The following KANSL1L variants were observed in gnomAD, a reference collection of about 807,000 sequenced individuals.
The protein encoded by KANSL1L is KAT8 regulatory NSL complex subunit 1 like.
In KANSL1L, 25 loss-of-function variants were observed where a neutral mutation model predicts 108.6. The observed-to-expected ratio is 0.23, with a 90% CI of 0.17 to 0.32. The LOEUF (loss-of-function observed/expected upper bound fraction) is 0.32, where lower values mean the gene tolerates loss of function less well. Ranked by LOEUF, KANSL1L falls within the 10% of genes least tolerant of loss-of-function variation. The pLI, the probability that KANSL1L is intolerant of heterozygous loss-of-function variation, is 1.00. For synonymous variants in KANSL1L, 405 were observed against 395.1 expected (o/e 1.03, Z -0.30); for missense variants, 1,137 against 1,125.7 (o/e 1.01, Z -0.14).
At chr2:210,134,339 G>A (rs988076754) in intron 2 of KANSL1L, among the ~76,000 whole-genome samples, 2 of 152,014 alleles carry the variant, frequency 1.3e-5, no homozygotes, top group East Asian at 3.9e-4. Context: ...CTACTTTCAT[G>A]ATCATTATCA....
chr2:210,025,213 C>G lies in KANSL1L; in HGVS notation c.2455G>C (p.Glu819Gln), dbSNP rs2093919326. The G allele has an allele frequency of 1.3e-6, 2 of 1,524,308 alleles. No homozygotes were observed. Among genetic ancestry groups the G allele is most frequent in the Non-Finnish European group, 1.8e-6 (2 of 1,098,216 alleles). 94.4% of individuals were successfully genotyped at this position (1,524,308 alleles called of 1,614,324 possible). The change falls in exon 13 of 15, where the codon GAA becomes CAA. Residue 819 changes from glutamate (E) to glutamine (Q), a missense_variant. By Grantham distance (29) the Glu-to-Gln change is conservative. Around this residue, in one of 3 missense-constraint regions of KANSL1L, gnomAD observed 575 missense variants for 567.1 expected, o/e 1.01. Coordinates refer to ENST00000281772, the MANE Select transcript of KANSL1L (RefSeq NM_152519.4). ...DEYNLGKEEI[E>Q]DLSDEVFSLR... Reference sequence around the variant, plus strand: ...GAGAAGACTTCATCAGAAAGATCTTCTATCTGGAATTAGAAATAAAGATTT... The same window carrying G: ...GAGAAGACTTCATCAGAAAGATCTTGTATCTGGAATTAGAAATAAAGATTT...
At chr2:210,126,265 A>C (rs1193673582) in intron 3 of KANSL1L, among the ~76,000 whole-genome samples, 3 of 152,234 alleles carry the variant, frequency 2.0e-5, no homozygotes, top group Non-Finnish European at 4.4e-5. Context: ...ATAACCAAGG[A>C]GTTGATAGAC....
chr2:210,029,287 AT>A, intron 10 of KANSL1L: 1 of 219,594 alleles, frequency 4.6e-6, no homozygotes, highest in South Asian at 9.6e-5. Context: ...ATCACCCTAA[AT>A]GTCAATGAAA....
At chr2:210,056,116 C>T (rs1257670159) in intron 6 of KANSL1L, among the ~76,000 whole-genome samples, 1 of 152,200 alleles carries the variant, frequency 6.6e-6, no homozygotes, top group African/African-American at 2.4e-5. Flanking sequence ...CCAGCCATGG[C>T]TAAAAGGGGC....
chr2:210,085,176 A>T (rs894663714), intron 5 of KANSL1L, among the ~76,000 whole-genome samples: 1 of 152,190 alleles, frequency 6.6e-6, no homozygotes, highest in Non-Finnish European at 1.5e-5. Context: ...AATATAAAGA[A>T]CTATTTATAG....
chr2:210,106,834 C>T (rs2094851910), intron 3 of KANSL1L, among the ~76,000 whole-genome samples: 1 of 151,814 alleles, frequency 6.6e-6, no homozygotes. Flanking sequence ...GTTTTTTCCT[C>T]CATAAACTAC....
chr2:210,119,692 C>T (rs1417385552), intron 3 of KANSL1L, among the ~76,000 whole-genome samples: 1 of 152,026 alleles, frequency 6.6e-6, no homozygotes, highest in African/African-American at 2.4e-5. Flanking sequence ...TACCTCAACA[C>T]AATAAAAGCC....
At chr2:210,070,728 A>G (rs564828868) in intron 6 of KANSL1L, among the ~76,000 whole-genome samples, 72 of 152,374 alleles carry the variant, frequency 4.7e-4, no homozygotes, top group African/African-American at 1.7e-3. Flanking sequence ...GCTGGAAGTC[A>G]AATCAAGATG....
chr2:210,140,235 C>T (rs1454959849), intron 2 of KANSL1L, among the ~76,000 whole-genome samples: 1 of 152,138 alleles, frequency 6.6e-6, no homozygotes, highest in Non-Finnish European at 1.5e-5. Context: ...CTTTGGAGTG[C>T]ATATCCAAAA....
chr2:210,064,516 A>G (rs979884640), intron 6 of KANSL1L, among the ~76,000 whole-genome samples: 1 of 152,074 alleles, frequency 6.6e-6, no homozygotes, highest in African/African-American at 2.4e-5. Context: ...TTACTGCTCT[A>G]GTAGAAAAAT....
chr2:210,163,520 T>G (rs555684429), intron 1 of KANSL1L, among the ~76,000 whole-genome samples: 1 of 152,032 alleles, frequency 6.6e-6, no homozygotes, highest in Admixed American at 6.6e-5. Context: ...AACCAAGAAC[T>G]GTGGGACAAT....
At chr2:210,039,950 A>G (rs1450899799) in intron 8 of KANSL1L, among the ~76,000 whole-genome samples, 1 of 151,774 alleles carries the variant, frequency 6.6e-6, no homozygotes, top group Non-Finnish European at 1.5e-5. Context: ...ATTATTATAG[A>G]TTTTTGTCAT....
At position 210,095,382 on chromosome 2, in the gene KANSL1L, GC is replaced by G. The variant is rs375400091; in HGVS notation, c.1550+2703del. On this transcript the variant is annotated intron_variant, in intron 5 of 14. Transcript: ENST00000281772. ...TCACTCTTACCTCTTTCTCCATCAT[GC>G]TCTTGTCAAAGTCTCTCTTGCCAAA... Among the ~76,000 whole-genome samples, 926 of 151,962 alleles carry G rather than the reference GC, an allele frequency of 6.1e-3. 15 individuals carry two copies. Among genetic ancestry groups the G allele is most frequent in the African/African-American group, 0.022 (898 of 41,468 alleles).
chr2:210,083,801 C>T (rs1439989562), intron 5 of KANSL1L, among the ~76,000 whole-genome samples: 1 of 145,286 alleles, frequency 6.9e-6, no homozygotes, highest in South Asian at 2.2e-4. Flanking sequence ...TGCACTCCAG[C>T]CCTGGGCGAC....
chr2:210,075,930 T>C (rs776229329), intron 5 of KANSL1L, among the ~76,000 whole-genome samples, 174 bp from the exon 6 acceptor site: 44 of 152,340 alleles, frequency 2.9e-4, no homozygotes, highest in Admixed American at 1.8e-3. Flanking sequence ...AACGGGAAAT[T>C]ACATATTCAA....
intron 6 of KANSL1L, among the ~76,000 whole-genome samples, chr2:210,059,870 T>G (rs768897867): frequency 2.6e-4 from 40 of 152,072 alleles, no homozygotes; most frequent in Admixed American, 1.8e-3. Context: ...GCCTCCCAAA[T>G]AGCTGGGATT....
intron 2 of KANSL1L, among the ~76,000 whole-genome samples, chr2:210,132,202 C>CA (rs2095127854): frequency 6.6e-6 from 1 of 152,096 alleles, no homozygotes; most frequent in Non-Finnish European, 1.5e-5. Flanking sequence ...TGTTATACCC[C>CA]AAAGTCAAAC....
At chr2:210,124,878 T>C (rs2095052410) in intron 3 of KANSL1L, among the ~76,000 whole-genome samples, 2 of 152,246 alleles carry the variant, frequency 1.3e-5, no homozygotes, top group East Asian at 1.9e-4. Flanking sequence ...AATAATACTA[T>C]ACCAACAAAT....
At chr2:210,133,029 T>C (rs1467815930) in intron 2 of KANSL1L, among the ~76,000 whole-genome samples, 1 of 152,114 alleles carries the variant, frequency 6.6e-6, no homozygotes, top group East Asian at 1.9e-4. Flanking sequence ...AGTTTGGTCA[T>C]TTGTGTCTTT....
Sources: allele counts gnomAD v4.1 joint callset (sites outside exome capture counted in the v4.1 genomes callset), GRCh38; gene constraint gnomAD v4.1.1; regional missense constraint gnomAD v4.1.1; transcripts MANE v1.5; gene names NCBI Gene and HGNC (gene_info 2026-07-23, HGNC 2026-07-21).